Variants in MAST4 observed in about 807,000 individuals in gnomAD.
MAST4 encodes the protein microtubule-associated serine/threonine-protein kinase 4.
Under a neutral mutation model 162.7 loss-of-function variants are expected in MAST4, and 89 were observed. The ratio of observed to expected loss-of-function variants is 0.55; its 90% confidence interval spans 0.46 to 0.65. The LOEUF (loss-of-function observed/expected upper bound fraction) is 0.65. Among genes scored for constraint, MAST4 ranks in the 30% least tolerant of loss-of-function variants. The pLI is 0.00. For missense variants in MAST4, 3,153 were observed against 3,374.0 expected, an observed-to-expected ratio of 0.93 and a Z score of 1.62; for synonymous variants, 1,479 against 1,361.1, an observed-to-expected ratio of 1.09 and a Z score of -1.91.
rs527777567 is a variant in MAST4, at chr5:67,037,153, G to A, written c.675-17251G>A. Among the ~76,000 whole-genome samples the A allele has an allele frequency of 4.5e-4, 68 of 152,256 alleles. No individual in the cohort carries two copies. The South Asian group carries it at 0.014, about 31-fold the overall frequency. On this transcript the variant is annotated intron_variant, in intron 4 of 28. Coordinates refer to ENST00000403625, the MANE Select transcript of MAST4 (RefSeq NM_001164664.2). ...CTTAAGCTTGTAATCCCAGCACTTT[G>A]GGAGGCTGAGGTAGGAGAATCACTT... is the stretch of plus-strand genomic sequence containing the variant.
intron 3 of MAST4, among the ~76,000 whole-genome samples, chr5:66,876,522 T>C (rs1294247529): frequency 1.3e-5 from 2 of 152,146 alleles, no homozygotes; most frequent in East Asian, 3.9e-4. Flanking sequence ...TCAAATTGTG[T>C]GTACCAGCTA....
chr5:66,845,126 T>TATATATATATATATAC lies in MAST4; in HGVS notation c.643-54824_643-54823insTATATATATATATACA, dbSNP rs1358855625. ...ATATATATATATATATATATATATA[T>TATATATATATATATAC]ACACACACACACTTGAAGTTCTAGG... On this transcript the variant is annotated intron_variant, in intron 3 of 28. Transcript: ENST00000403625. Among the ~76,000 whole-genome samples, 101 of 67,136 alleles carry TATATATATATATATAC rather than the reference T, an allele frequency of 1.5e-3. 1 individual carries two copies. Among genetic ancestry groups the TATATATATATATATAC allele is most frequent in the Middle Eastern group, 0.011 (1 of 92 alleles). 44.0% of individuals were successfully genotyped at this position (67,136 alleles called of 152,430 possible). A position where few individuals can be genotyped will look rare whatever the true frequency, so the allele number is the denominator to read the frequency against.
intron 5 of MAST4, among the ~76,000 whole-genome samples, chr5:67,085,253 C>A (rs549674657): frequency 1.7e-4 from 26 of 152,200 alleles, no homozygotes; most frequent in African/African-American, 5.5e-4. Flanking sequence ...CAGCAAATCC[C>A]GTTGGCTCCG....
chr5:66,712,159 T>C (rs1750537272), intron 1 of MAST4, among the ~76,000 whole-genome samples: 3 of 152,256 alleles, frequency 2.0e-5, no homozygotes, highest in Admixed American at 2.0e-4. Flanking sequence ...GTGACTGTTA[T>C]ACACACCTGC....
intron 3 of MAST4, among the ~76,000 whole-genome samples, chr5:66,863,965 T>G (rs466569): frequency 0.55 from 82,742 of 151,396 alleles, 23,618 homozygotes; most frequent in Non-Finnish European, 0.64. Context: ...GAGTTCAATG[T>G]GTGTTTTGCA....
intron 3 of MAST4, among the ~76,000 whole-genome samples, chr5:66,844,786 A>G (rs1343113222): frequency 3.3e-5 from 5 of 152,058 alleles, no homozygotes; most frequent in East Asian, 1.9e-4. Flanking sequence ...TCATCCAGCT[A>G]TGGAGTTATC....
intron 1 of MAST4, among the ~76,000 whole-genome samples, chr5:66,656,819 T>C (rs72761203): frequency 2.0e-5 from 3 of 152,318 alleles, no homozygotes; most frequent in Non-Finnish European, 2.9e-5. Flanking sequence ...AATTACTAAG[T>C]GAAATGTTTT....
intron 4 of MAST4, among the ~76,000 whole-genome samples, chr5:67,011,545 G>T (rs1752672232): frequency 1.3e-5 from 2 of 152,110 alleles, no homozygotes; most frequent in Admixed American, 1.3e-4. Flanking sequence ...AGTAACCTGG[G>T]CTGCCCTTGC....
In MAST4 at chr5:67,163,250, A is replaced by G. The variant is rs1561196461; in HGVS notation, c.4071A>G (p.Lys1357=). The G allele has an allele frequency of 1.2e-6, 2 of 1,613,464 alleles. No homozygotes were observed. The highest frequency in any genetic ancestry group is 1.7e-6 in the Non-Finnish European group (2 of 1,179,874). The part of the protein sequence containing the change: ...RPSTLHGLAP[K]LGGQRYRSGR... ...GCACTCTCCACGGTCTTGCACCCAA[A>G]CTCGGCGGGCAGCGGTACCGGTCCG... Residue 1357 remains lysine, a synonymous_variant, in exon 29 of 29, where the codon AAA becomes AAG. Coordinates refer to ENST00000403625, the MANE Select transcript of MAST4 (RefSeq NM_001164664.2). The surrounding 1 kb of genome is among the most constrained non-coding windows in gnomAD (Gnocchi z 7.0).
At chr5:66,760,644 A>G (rs1753804846) in intron 2 of MAST4, among the ~76,000 whole-genome samples, 1 of 152,178 alleles carries the variant, frequency 6.6e-6, no homozygotes, top group Non-Finnish European at 1.5e-5. Context: ...GAAGCAGAGT[A>G]TCTACTCCTT....
chr5:67,150,669 G>T (rs1370659711), intron 24 of MAST4, among the ~76,000 whole-genome samples: 1 of 152,190 alleles, frequency 6.6e-6, no homozygotes, highest in Non-Finnish European at 1.5e-5. Flanking sequence ...TTTGATTTGG[G>T]GAGATAAGGG....
At chr5:66,914,168 T>A (rs1299653686) in intron 4 of MAST4, among the ~76,000 whole-genome samples, 2 of 152,184 alleles carry the variant, frequency 1.3e-5, no homozygotes, top group African/African-American at 4.8e-5. Context: ...ATATTTTTAT[T>A]GAAATCATAT....
rs893909687 is a variant in MAST4 at position 66,688,219 on chromosome 5, A to G, written c.364-71490A>G. Among the ~76,000 whole-genome samples, 10 of 152,176 alleles carry G rather than the reference A, an allele frequency of 6.6e-5. No individual in the cohort carries two copies. In the East Asian group the frequency reaches 9.6e-4, roughly 15 times the overall value. On this transcript the variant is annotated intron_variant, in intron 1 of 28. Transcript: ENST00000403625. Reference sequence around the variant, plus strand: ...TCAAGTCTATCAAAAGGAATGGCCTATTTTCCAAGACTGCTGTGCCACATT... The same window carrying G: ...TCAAGTCTATCAAAAGGAATGGCCTGTTTTCCAAGACTGCTGTGCCACATT...
chr5:66,838,492 G>A (rs1268867157), intron 3 of MAST4, among the ~76,000 whole-genome samples: 1 of 152,124 alleles, frequency 6.6e-6, no homozygotes, highest in African/African-American at 2.4e-5. Flanking sequence ...TTAGACTCTA[G>A]CAGTACAAAA....
At chr5:67,019,539 T>C (rs1429645154) in intron 4 of MAST4, among the ~76,000 whole-genome samples, 3 of 152,228 alleles carry the variant, frequency 2.0e-5, no homozygotes, top group Non-Finnish European at 4.4e-5. Flanking sequence ...TTTTGCAAGG[T>C]GTAGAAATGT....
chr5:67,095,698 T>G (rs1764381077), intron 7 of MAST4, 23 bp downstream of exon 7: 3 of 1,543,562 alleles, frequency 1.9e-6, no homozygotes, highest in African/African-American at 2.8e-5. Flanking sequence ...CTTTTTTTTT[T>G]TTTTTCTCTT....
chr5:66,898,374 C>T (rs1399337947), intron 3 of MAST4, among the ~76,000 whole-genome samples: 1 of 152,160 alleles, frequency 6.6e-6, no homozygotes, highest in Non-Finnish European at 1.5e-5. Flanking sequence ...AACCTGAATA[C>T]AACACTGATT....
At chr5:66,642,543 C>G (rs571456060) in intron 1 of MAST4, among the ~76,000 whole-genome samples, 1 of 152,148 alleles carries the variant, frequency 6.6e-6, no homozygotes, top group African/African-American at 2.4e-5. Flanking sequence ...TTTAGAGAGA[C>G]GTACAGAAAC....
intron 4 of MAST4, among the ~76,000 whole-genome samples, chr5:67,031,867 C>T (rs1225533780): frequency 1.3e-4 from 20 of 152,078 alleles, no homozygotes; most frequent in Non-Finnish European, 1.0e-4. Context: ...CACCTTCTTT[C>T]GTGAGAGAAC....
Sources: allele counts gnomAD v4.1 joint callset (sites outside exome capture counted in the v4.1 genomes callset), GRCh38; gene constraint gnomAD v4.1.1; non-coding constraint Gnocchi (gnomAD v3.1); transcripts MANE v1.5; gene names NCBI Gene and HGNC (gene_info 2026-07-23, HGNC 2026-07-21).